Variants in SLC35F1 observed in about 807,000 individuals in gnomAD.
SLC35F1 encodes solute carrier family 35 member F1.
Under a neutral mutation model 48.7 loss-of-function variants are expected in SLC35F1, and 14 were observed. The observed-to-expected ratio is 0.29, with a 90% CI of 0.19 to 0.45. SLC35F1 has a LOEUF of 0.45. Among genes scored for constraint, SLC35F1 ranks in the 20% least tolerant of loss-of-function variants. The pLI, the probability that SLC35F1 is intolerant of heterozygous loss-of-function variation, is 1.00. For missense variants in SLC35F1, 404 were observed against 500.0 expected (o/e 0.81, Z 1.83); for synonymous variants, 190 against 202.2 (o/e 0.94, Z 0.51).
At chr6:117,982,684 G>T (rs1484321327) in intron 1 of SLC35F1, among the ~76,000 whole-genome samples, 1 of 152,180 alleles carries the variant, frequency 6.6e-6, no homozygotes, top group Non-Finnish European at 1.5e-5. Context: ...TGGCAGAATT[G>T]TATGAACATT....
intron 1 of SLC35F1, among the ~76,000 whole-genome samples, chr6:118,059,986 C>G (rs1772515896): frequency 6.6e-6 from 1 of 152,124 alleles, no homozygotes; most frequent in South Asian, 2.1e-4. Context: ...TTTGTATCTT[C>G]AAAGAGAAGT....
At chr6:117,911,400 CCCCTCCCT>C (rs550006759) in intron 1 of SLC35F1, among the ~76,000 whole-genome samples, 1 of 117,276 alleles carries the variant, frequency 8.5e-6, no homozygotes, top group Non-Finnish European at 1.7e-5. Context: ...CCCCTCCCCT[CCCCTCCCT>C]CCCTCCCTCC....
intron 3 of SLC35F1, among the ~76,000 whole-genome samples, chr6:118,262,551 T>A (rs1357930432): frequency 6.6e-6 from 1 of 152,176 alleles, no homozygotes; most frequent in Non-Finnish European, 1.5e-5. Flanking sequence ...TTTAAATAAC[T>A]TTTGGAAGCT....
intron 2 of SLC35F1, among the ~76,000 whole-genome samples, chr6:118,168,646 G>A (rs932403529): frequency 5.9e-5 from 9 of 152,042 alleles, no homozygotes; most frequent in East Asian, 3.9e-4. Context: ...CTTCCTTTAC[G>A]AGCAGTTATA....
chr6:118,316,110 A>C lies in SLC35F1; in HGVS notation c.*1858A>C, dbSNP rs1438923527. 2 of 152,234 alleles carry C rather than the reference A, an allele frequency of 1.3e-5. No homozygotes were observed. Among genetic ancestry groups the C allele is most frequent in the African/African-American group, 4.8e-5 (2 of 41,464 alleles). 9.4% of individuals were successfully genotyped at this position (152,234 alleles called of 1,614,324 possible). A position where few individuals can be genotyped will look rare whatever the true frequency, so the allele number is the denominator to read the frequency against. On this transcript the variant is annotated 3_prime_UTR_variant, in exon 8 of 8. Transcript: ENST00000360388. ...AGACTACAGTAGAAGGACTGATCCC[A>C]GAGTGCCTGTACAAGGCCTAAATCT... is the stretch of plus-strand genomic sequence containing the variant.
intron 5 of SLC35F1, among the ~76,000 whole-genome samples, chr6:118,276,986 T>C (rs1775925529): frequency 6.6e-6 from 1 of 152,180 alleles, no homozygotes; most frequent in South Asian, 2.1e-4. Flanking sequence ...ACATGAGAAC[T>C]TGCCAGAAAT....
intron 7 of SLC35F1, among the ~76,000 whole-genome samples, chr6:118,306,168 A>T (rs1364903988): frequency 1.3e-5 from 2 of 151,654 alleles, no homozygotes; most frequent in East Asian, 3.9e-4. Context: ...GAGGAGCCCA[A>T]AATGGCCAGG....
chr6:117,916,893 GGT>G (rs1775833185), intron 1 of SLC35F1, among the ~76,000 whole-genome samples: 2 of 152,204 alleles, frequency 1.3e-5, no homozygotes, highest in Non-Finnish European at 2.9e-5. Context: ...TACTGAGTCA[GGT>G]TAGAGGCACA....
At chr6:118,242,883 G>A (rs1431179598) in intron 3 of SLC35F1, among the ~76,000 whole-genome samples, 1 of 152,198 alleles carries the variant, frequency 6.6e-6, no homozygotes, top group East Asian at 1.9e-4. Flanking sequence ...AGGGGTCTGA[G>A]CCTCTGACAT....
At chr6:118,295,316 T>A (rs988884431) in intron 7 of SLC35F1, among the ~76,000 whole-genome samples, 1 of 152,186 alleles carries the variant, frequency 6.6e-6, no homozygotes, top group Non-Finnish European at 1.5e-5. Flanking sequence ...ACTGTTTTGG[T>A]GCATAACTTT....
intron 1 of SLC35F1, among the ~76,000 whole-genome samples, chr6:117,931,863 T>C (rs1195853160): frequency 6.6e-6 from 1 of 152,244 alleles, no homozygotes; most frequent in Non-Finnish European, 1.5e-5. Flanking sequence ...TACCTCCAGA[T>C]CAAGGTGAGA....
intron 1 of SLC35F1, among the ~76,000 whole-genome samples, chr6:118,014,279 G>C (rs976453063): frequency 1.3e-5 from 2 of 152,194 alleles, no homozygotes; most frequent in Non-Finnish European, 2.9e-5. Flanking sequence ...ATTGTAGTTT[G>C]TAGGCTCTCA....
At chr6:118,246,184 A>G (rs535772448) in intron 3 of SLC35F1, among the ~76,000 whole-genome samples, 10 of 152,204 alleles carry the variant, frequency 6.6e-5, no homozygotes, top group African/African-American at 2.4e-4. Context: ...GAATTTCAGA[A>G]TTTAGAATCC....
chr6:118,242,701 T>C (rs576914179), intron 3 of SLC35F1, among the ~76,000 whole-genome samples: 2 of 152,352 alleles, frequency 1.3e-5, no homozygotes, highest in African/African-American at 2.4e-5. Flanking sequence ...CTGTATGACT[T>C]CTTATCCAAA....
intron 2 of SLC35F1, among the ~76,000 whole-genome samples, chr6:118,232,848 T>C (rs1040921800): frequency 6.6e-6 from 1 of 152,196 alleles, no homozygotes; most frequent in African/African-American, 2.4e-5. Context: ...AGAATGGCCA[T>C]TGAAAATTAA....
At chr6:118,220,476 G>T (rs1370812098) in intron 2 of SLC35F1, among the ~76,000 whole-genome samples, 2 of 152,166 alleles carry the variant, frequency 1.3e-5, no homozygotes, top group Admixed American at 6.6e-5. Flanking sequence ...AGCCAAGAAG[G>T]TAGCAAGCCC....
chr6:118,171,110 C>T (rs79289129), intron 2 of SLC35F1, among the ~76,000 whole-genome samples: 1,762 of 152,190 alleles, frequency 0.012, 42 homozygotes, highest in African/African-American at 0.04. Context: ...GATCATGGCT[C>T]ACTGCACCCT....
At chr6:118,047,544 C>A (rs913591428) in intron 1 of SLC35F1, among the ~76,000 whole-genome samples, 1 of 152,116 alleles carries the variant, frequency 6.6e-6, no homozygotes, top group Non-Finnish European at 1.5e-5. Context: ...ACATTTCTTC[C>A]AAGGCTGAGC....
At chr6:118,233,027 G>A (rs920555086) in intron 2 of SLC35F1, among the ~76,000 whole-genome samples, 10 of 151,748 alleles carry the variant, frequency 6.6e-5, no homozygotes, top group African/African-American at 2.4e-4. Flanking sequence ...GTGCAGTGGC[G>A]CCATCTCGGC....
Sources: allele counts gnomAD v4.1 joint callset (sites outside exome capture counted in the v4.1 genomes callset), GRCh38; gene constraint gnomAD v4.1.1; transcripts MANE v1.5; gene names NCBI Gene and HGNC (gene_info 2026-07-23, HGNC 2026-07-21).